PRKAG2: variants seen among roughly 807,000 people sequenced by gnomAD.
PRKAG2 encodes 5'-AMP-activated protein kinase subunit gamma-2.
A neutral mutation model predicts 69.6 loss-of-function variants in PRKAG2; 26 were observed. The observed-to-expected ratio is 0.37, with a 90% CI of 0.27 to 0.52. PRKAG2 has a LOEUF of 0.52. Ranked by LOEUF, PRKAG2 falls within the 20% of genes least tolerant of loss-of-function variation. The pLI is 0.90. For missense variants in PRKAG2, 557 were observed against 740.0 expected (o/e 0.75, Z 2.87); for synonymous variants, 293 against 285.0 (o/e 1.03, Z -0.28).
chr7:151,745,301 T>C (rs2074205754), intron 3 of PRKAG2, among the ~76,000 whole-genome samples: 1 of 152,170 alleles, frequency 6.6e-6, no homozygotes, highest in Non-Finnish European at 1.5e-5. Context: ...AGCACATATT[T>C]GCCAGAGCTC....
chr7:151,757,127 G>A (rs1032513878), intron 3 of PRKAG2, among the ~76,000 whole-genome samples: 3 of 152,174 alleles, frequency 2.0e-5, no homozygotes, highest in Non-Finnish European at 4.4e-5. Context: ...CTGGAGTGGG[G>A]TGCTCCTCAG....
intron 4 of PRKAG2, among the ~76,000 whole-genome samples, chr7:151,641,163 C>A (rs1360018471): frequency 6.6e-6 from 1 of 151,888 alleles, no homozygotes; most frequent in Non-Finnish European, 1.5e-5. Context: ...GTATGAGATC[C>A]TGGCATGGAT....
intron 4 of PRKAG2, among the ~76,000 whole-genome samples, chr7:151,636,264 AT>A (rs1825728972): frequency 6.6e-6 from 1 of 152,138 alleles, no homozygotes; most frequent in South Asian, 2.1e-4. Flanking sequence ...CTAAGTTTAC[AT>A]TTTCATCATC....
intron 1 of PRKAG2, among the ~76,000 whole-genome samples, chr7:151,796,133 C>T (rs2151831877): frequency 6.6e-6 from 1 of 151,796 alleles, no homozygotes; most frequent in East Asian, 1.9e-4. Flanking sequence ...AGCCCTAGGC[C>T]CCCTCACCCG....
chr7:151,564,664 G>A (rs1805819583), intron 13 of PRKAG2, among the ~76,000 whole-genome samples: 1 of 152,194 alleles, frequency 6.6e-6, no homozygotes, highest in Non-Finnish European at 1.5e-5. Context: ...CTGCTGGGAA[G>A]GCTTTGGGGG....
chr7:151,659,619 G>A (rs1830015869), intron 4 of PRKAG2, among the ~76,000 whole-genome samples: 1 of 152,152 alleles, frequency 6.6e-6, no homozygotes, highest in Non-Finnish European at 1.5e-5. Flanking sequence ...ATGCCTGGTG[G>A]GAAACAGAAT....
In PRKAG2 at chr7:151,638,822, T is replaced by G. The variant is rs974190784; in HGVS notation, c.685-6684A>C. Among the ~76,000 whole-genome samples, 4 of 152,118 alleles carry G rather than the reference T, an allele frequency of 2.6e-5. No homozygotes were observed. Among genetic ancestry groups the G allele is most frequent in the African/African-American group, 9.7e-5 (4 of 41,424 alleles). On this transcript the variant is annotated intron_variant, in intron 4 of 15. Coordinates refer to ENST00000287878, the MANE Select transcript of PRKAG2 (RefSeq NM_016203.4). The surrounding 1 kb of genome is among the most constrained non-coding windows in gnomAD (Gnocchi z 4.3). ...AGTTTGCTCTGCCTCTTAAAAGAAG[T>G]CTTAAATAGCTCCTGCAAGAAATAA...
intron 1 of PRKAG2, among the ~76,000 whole-genome samples, chr7:151,870,602 A>C (rs2080197223): frequency 6.6e-6 from 1 of 152,180 alleles, no homozygotes; most frequent in African/African-American, 2.4e-5. Context: ...GAGGGGCACA[A>C]AGCACTGTCA....
chr7:151,824,187 T>C (rs1219274866), intron 1 of PRKAG2, among the ~76,000 whole-genome samples: 1 of 152,220 alleles, frequency 6.6e-6, no homozygotes, highest in Non-Finnish European at 1.5e-5. Context: ...TAAATCGCCC[T>C]TGGTTCAGAA....
intron 4 of PRKAG2, among the ~76,000 whole-genome samples, chr7:151,666,875 T>C (rs1169317506): frequency 6.6e-6 from 1 of 152,172 alleles, no homozygotes. Context: ...GTACCATAAA[T>C]TTAAAAATGA....
intron 1 of PRKAG2, among the ~76,000 whole-genome samples, chr7:151,869,927 G>A (rs1317924703): frequency 6.6e-6 from 1 of 152,324 alleles, no homozygotes; most frequent in African/African-American, 2.4e-5. Flanking sequence ...GATGCATGAA[G>A]CCACTGAAGG....
chr7:151,730,166 C>T (rs566749431), intron 3 of PRKAG2, among the ~76,000 whole-genome samples: 2 of 152,310 alleles, frequency 1.3e-5, no homozygotes, highest in African/African-American at 4.8e-5. Flanking sequence ...CATCTGACCA[C>T]AATTAAAATC....
At chr7:151,692,926 G>A (rs1296101187) in intron 3 of PRKAG2, among the ~76,000 whole-genome samples, 1 of 152,140 alleles carries the variant, frequency 6.6e-6, no homozygotes, top group Non-Finnish European at 1.5e-5. Context: ...GGCAACCTGG[G>A]CCCTGTCACC....
At position 151,596,485 on chromosome 7, in the gene PRKAG2, G is replaced by A. The variant is rs977908572; in HGVS notation, c.755-1031C>T. Reference sequence around the variant, plus strand: ...TGAAGCAGACCAGGTGTGGTAGCACGCGCCTGTAATCCTAGCACTTTGGGA... The same window carrying A: ...TGAAGCAGACCAGGTGTGGTAGCACACGCCTGTAATCCTAGCACTTTGGGA... On this transcript the variant is annotated intron_variant, in intron 5 of 15. Transcript: ENST00000287878. Among the ~76,000 whole-genome samples the A allele has an allele frequency of 5.3e-5, 8 of 152,138 alleles. No homozygotes were observed. In the South Asian group the frequency reaches 6.2e-4, roughly 12 times the overall value.
At chr7:151,577,379 A>T (rs1809230117) in intron 6 of PRKAG2, among the ~76,000 whole-genome samples, 2 of 152,232 alleles carry the variant, frequency 1.3e-5, no homozygotes, top group Non-Finnish European at 2.9e-5. Context: ...CAGTGCTGAA[A>T]ATGATCCTCT....
At chr7:151,596,890 A>G (rs762818672) in intron 5 of PRKAG2, among the ~76,000 whole-genome samples, 5 of 152,176 alleles carry the variant, frequency 3.3e-5, no homozygotes, top group Non-Finnish European at 7.4e-5. Context: ...TGCAATGCCT[A>G]TCAAAATACC....
chr7:151,643,841 C>T (rs1371257951), intron 4 of PRKAG2, among the ~76,000 whole-genome samples: 1 of 152,172 alleles, frequency 6.6e-6, no homozygotes, highest in Non-Finnish European at 1.5e-5. Context: ...TCCAAGTGTA[C>T]AATTTGATGA....
rs568018052 is a variant in PRKAG2 at position 151,795,746 on chromosome 7, A to C, written c.115-9205T>G. 1.6e-4 allele frequency among the ~76,000 whole-genome samples: 24 copies of C among 151,202 alleles called. No homozygotes were observed. The East Asian group carries it at 4.1e-3, about 26-fold the overall frequency. ...CTGGAAGGGGAAATTCTGCTTCATGATTGCAGCATCGACTGCCTGAGCTTC... is the reference window on the plus strand; with the variant it reads ...CTGGAAGGGGAAATTCTGCTTCATGCTTGCAGCATCGACTGCCTGAGCTTC... On this transcript the variant is annotated intron_variant, in intron 1 of 15. Coordinates refer to ENST00000287878, the MANE Select transcript of PRKAG2 (RefSeq NM_016203.4).
intron 3 of PRKAG2, among the ~76,000 whole-genome samples, chr7:151,730,187 T>C (rs1798706076): frequency 6.6e-6 from 1 of 152,192 alleles, no homozygotes; most frequent in Admixed American, 6.5e-5. Flanking sequence ...CCCTCATTCA[T>C]CTACCCACTC....
Sources: gnomAD v4.1 joint callset for allele counts (sites outside exome capture counted in the v4.1 genomes callset) on GRCh38, gnomAD v4.1.1 for gene constraint, Gnocchi (gnomAD v3.1) non-coding constraint, MANE v1.5 for transcripts, NCBI Gene and HGNC (gene_info 2026-07-23, HGNC 2026-07-21) for gene names.